The following HEATR1 variants were observed in gnomAD, a reference collection of about 807,000 sequenced individuals.
The protein encoded by HEATR1 is HEAT repeat-containing protein 1.
Under a neutral mutation model 248.2 loss-of-function variants are expected in HEATR1, and 77 were observed. The ratio of observed to expected loss-of-function variants is 0.31; its 90% confidence interval spans 0.26 to 0.37. HEATR1 has a LOEUF of 0.37. Ranked by LOEUF, HEATR1 falls within the 10% of genes least tolerant of loss-of-function variation. The pLI is 1.00. For synonymous variants in HEATR1, 897 were observed against 923.1 expected (o/e 0.97, Z 0.51); for missense variants, 2,420 against 2,504.9 (o/e 0.97, Z 0.72).
intron 12 of HEATR1, 49 bp downstream of exon 12, chr1:236,590,798 G>A: frequency 3.3e-6 from 3 of 922,696 alleles, no homozygotes; most frequent in Non-Finnish European, 3.1e-6. Context: ...GAATTACACT[G>A]CTCATCATAA....
At position 236,595,912 on chromosome 1, in the gene HEATR1, T is replaced by A; in HGVS notation, c.877A>T (p.Ile293Phe). The A allele has an allele frequency of 6.2e-7, 1 of 1,614,042 alleles. No individual in the cohort carries two copies. Among genetic ancestry groups the A allele is most frequent in the South Asian group, 1.1e-5 (1 of 91,084 alleles). The change falls in exon 7 of 45, where the codon ATT becomes TTT. Residue 293 changes from isoleucine (I) to phenylalanine (F), a missense_variant. Coordinates refer to ENST00000366582, the MANE Select transcript of HEATR1 (RefSeq NM_018072.6). Reference protein sequence around the residue: ...ASQIIKTLTKIPSLIKDGLSC... With the variant: ...ASQIIKTLTKFPSLIKDGLSC... ...AACCCATCCTTGATCAAAGAGGGAA[T>A]CTTGGTCAATGTTTTGATGATCTGT...
At chr1:236,602,265 C>T (rs79831985) in intron 3 of HEATR1, among the ~76,000 whole-genome samples, 4,453 of 152,250 alleles carry the variant, frequency 0.029, 228 homozygotes, top group East Asian at 0.23. Context: ...AAAGATCAGA[C>T]CTTGGAAATA....
chr1:236,603,083 A>G (rs983437371), intron 3 of HEATR1, 77 bp downstream of exon 3: 21 of 1,059,040 alleles, frequency 2.0e-5, no homozygotes, highest in East Asian at 2.4e-5. Flanking sequence ...CTTTAATTTG[A>G]TAAGTTCTCA....
chr1:236,578,102 G>GTACCTC (rs754125958), intron 20 of HEATR1, among the ~76,000 whole-genome samples: 4 of 152,166 alleles, frequency 2.6e-5, no homozygotes, highest in Non-Finnish European at 5.9e-5. Flanking sequence ...AATTTAGAAA[G>GTACCTC]TACCTCTCTC....
At chr1:236,553,011 G>C (rs909852768) in intron 43 of HEATR1, 1 of 152,184 alleles carries the variant, frequency 6.6e-6, no homozygotes, top group Non-Finnish European at 1.5e-5. Flanking sequence ...AGCCAGTAAA[G>C]TTCTAATACA....
At chr1:236,564,746 A>C in intron 31 of HEATR1, 85 bp from the exon 32 acceptor site, 1 of 1,258,102 alleles carries the variant, frequency 7.9e-7, no homozygotes, top group African/African-American at 1.5e-5. Flanking sequence ...TTTCAAGTAA[A>C]GGACAATTAA....
At position 236,581,495 on chromosome 1, in the gene HEATR1, A is replaced by T. The variant is rs529592663; in HGVS notation, c.2563-81T>A. On this transcript the variant is annotated intron_variant, in intron 19 of 44. Coordinates refer to ENST00000366582, the MANE Select transcript of HEATR1 (RefSeq NM_018072.6). ...CAAATCCTCTTCTCACTAGTGTACA[A>T]TTATAAAGAAACAAATAATTTAAGG... The T allele has an allele frequency of 3.1e-6, 3 of 963,560 alleles. No individual in the cohort carries two copies. The African/African-American group carries it at 4.9e-5, about 16-fold the overall frequency. The allele number at this position is 963,560 out of a possible 1,614,324, so 59.7% of individuals were successfully genotyped here. A position where few individuals can be genotyped will look rare whatever the true frequency, so the allele number is the denominator to read the frequency against.
intron 11 of HEATR1, 33 bp from the exon 12 acceptor site, chr1:236,590,987 C>A (rs764584590): frequency 2.7e-6 from 3 of 1,118,212 alleles, no homozygotes. Context: ...CAAATGATTT[C>A]ACTTAATCTG....
In HEATR1 at chr1:236,558,222, T is replaced by A. The variant is rs201074574; in HGVS notation, c.5204+15A>T. 4.3e-5 allele frequency: 69 copies of A among 1,603,752 alleles called. No individual in the cohort carries two copies. Among genetic ancestry groups the A allele is most frequent in the Middle Eastern group, 4.0e-4 (2 of 4,962 alleles). On this transcript the variant is annotated intron_variant, in intron 36 of 44. Coordinates refer to ENST00000366582, the MANE Select transcript of HEATR1 (RefSeq NM_018072.6). ...AGGCGGTAACAGCTCCTGTTCCAAG[T>A]CTCCGGCCGCATACCTGGGAAGCTG...
chr1:236,554,917 G>T (rs1662914695), intron 41 of HEATR1, among the ~76,000 whole-genome samples, 165 bp from the exon 42 acceptor site: 1 of 152,174 alleles, frequency 6.6e-6, no homozygotes, highest in East Asian at 1.9e-4. Flanking sequence ...GTCTCTCGAA[G>T]AATGATTCCT....
In HEATR1 at chr1:236,596,841, G is replaced by C; in HGVS notation, c.739C>G (p.Gln247Glu). The C allele has an allele frequency of 6.2e-7, 1 of 1,611,644 alleles. No individual in the cohort carries two copies. The highest frequency in any genetic ancestry group is 1.1e-5 in the South Asian group (1 of 90,612). Reference protein sequence around the residue: ...NIIAKLFPYIQKGLKSSLPDY... With the variant: ...NIIAKLFPYIEKGLKSSLPDY... ...AACACATCAGCAGTGCCAACCTTTT[G>C]GATATAGGGAAATAGTTTGGCGATG... is the stretch of plus-strand genomic sequence containing the variant. The change falls in exon 6 of 45, where the codon CAA (glutamine) becomes GAA (glutamate). Residue 247 changes from glutamine (Q) to glutamate (E), a missense_variant. Coordinates refer to ENST00000366582, the MANE Select transcript of HEATR1 (RefSeq NM_018072.6).
chr1:236,566,184 C>A, intron 30 of HEATR1, 139 bp from the exon 31 acceptor site: 1 of 756,784 alleles, frequency 1.3e-6, no homozygotes, highest in Non-Finnish European at 2.0e-6. Context: ...ACTCCCAGAT[C>A]CCATGTCTAA....
chr1:236,597,124 C>CAAAA, intron 5 of HEATR1, 148 bp from the exon 6 acceptor site: 1 of 385,284 alleles, frequency 2.6e-6, no homozygotes, highest in East Asian at 3.8e-5. Context: ...GTCCATGTCT[C>CAAAA]CAAAAAAAAA....
In HEATR1 at chr1:236,572,840, A is replaced by C; in HGVS notation, c.3460-12T>G. ...GCATTAACGGAAATCTGAAATATTG[A>C]AGGAAGAAGAGTTGATGATATAATC... On this transcript the variant is annotated splice_polypyrimidine_tract_variant and intron_variant, in intron 24 of 44. Coordinates refer to ENST00000366582, the MANE Select transcript of HEATR1 (RefSeq NM_018072.6). The C allele has an allele frequency of 6.2e-7, 1 of 1,602,536 alleles. No homozygotes were observed. Among genetic ancestry groups the C allele is most frequent in the Non-Finnish European group, 8.5e-7 (1 of 1,169,632 alleles).
chr1:236,560,247 C>T (rs1293293344), intron 33 of HEATR1, among the ~76,000 whole-genome samples: 1 of 151,994 alleles, frequency 6.6e-6, no homozygotes, highest in Non-Finnish European at 1.5e-5. Flanking sequence ...CACACATACA[C>T]ATGCACACAC....
rs1396784356 is a variant in HEATR1 at position 236,555,395 on chromosome 1, A to C, written c.5824T>G (p.Cys1942Gly). 6.2e-7 allele frequency: 1 copy of C among 1,614,124 alleles called. No individual in the cohort carries two copies. Among genetic ancestry groups the C allele is most frequent in the Non-Finnish European group, 8.5e-7 (1 of 1,180,048 alleles). The change falls in exon 41 of 45, where the codon TGC becomes GGC. Residue 1942 changes from cysteine to glycine, a missense_variant. Cys to Gly is a radical substitution (Grantham distance 159, BLOSUM62 -3). Coordinates refer to ENST00000366582, the MANE Select transcript of HEATR1 (RefSeq NM_018072.6). ...AGCCCTTTCAGCTTTTCAGCAATGC[A>C]ATCTGCCAAGTTGTAAAATGTCAAC... ...RLLTFYNLADCIAEKLKGLFT... is the reference protein window; with the variant it reads ...RLLTFYNLADGIAEKLKGLFT...
intron 14 of HEATR1, 119 bp downstream of exon 14, chr1:236,587,283 T>C (rs1558189324): frequency 4.5e-6 from 2 of 440,350 alleles, no homozygotes; most frequent in African/African-American, 4.1e-5. Context: ...TCTGTTCTAC[T>C]ACCACGACAA....
rs61730304 is a variant in HEATR1, at chr1:236,571,596, T to A, written c.3798A>T (p.Leu1266=). 6 of 1,613,888 alleles carry A rather than the reference T, an allele frequency of 3.7e-6. No individual in the cohort carries two copies. In the African/African-American group the frequency reaches 6.7e-5, roughly 18 times the overall value. The change falls in exon 27 of 45, where the codon CTA becomes CTT. Residue 1266 remains leucine (L), a synonymous_variant. Coordinates refer to ENST00000366582, the MANE Select transcript of HEATR1 (RefSeq NM_018072.6). ...LSCLLNICQK[L]SPDGGKIPKD... ...TGGGTATTTTGCCACCATCTGGAGATAGTTTTTGGCAGATGTTGAGCAGAC... is the reference window on the plus strand; with the variant it reads ...TGGGTATTTTGCCACCATCTGGAGAAAGTTTTTGGCAGATGTTGAGCAGAC...
At chr1:236,565,047 T>G (rs959911735) in intron 31 of HEATR1, among the ~76,000 whole-genome samples, 1 of 152,184 alleles carries the variant, frequency 6.6e-6, no homozygotes, top group Non-Finnish European at 1.5e-5. Context: ...ATAGAATGAC[T>G]TACTGCTAAG....
Sources: allele counts gnomAD v4.1 joint callset (sites outside exome capture counted in the v4.1 genomes callset), GRCh38; gene constraint gnomAD v4.1.1; transcripts MANE v1.5; gene names NCBI Gene and HGNC (gene_info 2026-07-23, HGNC 2026-07-21).